The following MKRN1 variants were observed in gnomAD, a reference collection of about 807,000 sequenced individuals.
MKRN1 encodes E3 ubiquitin-protein ligase makorin-1.
MKRN1 carries 9 observed loss-of-function variants against 55.5 expected under a neutral mutation model. The ratio of observed to expected loss-of-function variants is 0.16; its 90% CI spans 0.10 to 0.28. The LOEUF is 0.28. Ranked by LOEUF, MKRN1 falls within the 10% of genes least tolerant of loss-of-function variation. The probability of loss-of-function intolerance (pLI) is 1.00; values close to 1 mark genes in which losing one functional copy is unlikely to be tolerated. For synonymous variants in MKRN1, 253 were observed against 235.9 expected (o/e 1.07, Z -0.66); for missense variants, 488 against 626.7 (o/e 0.78, Z 2.36).
intron 2 of MKRN1, among the ~76,000 whole-genome samples, chr7:140,462,146 G>GCCT (rs1794638908): frequency 1.3e-5 from 2 of 152,118 alleles, no homozygotes; most frequent in Non-Finnish European, 2.9e-5. Flanking sequence ...GTCTGCCTTA[G>GCCT]CCTCCTGAGT....
chr7:140,463,999 T>C (rs968439154), intron 2 of MKRN1, among the ~76,000 whole-genome samples: 1 of 152,058 alleles, frequency 6.6e-6, no homozygotes, highest in South Asian at 2.1e-4. Context: ...AGTGGTGCAA[T>C]CTCAGCTCAC....
chr7:140,466,759 G>T (rs968952924), intron 2 of MKRN1, among the ~76,000 whole-genome samples: 1 of 148,810 alleles, frequency 6.7e-6, no homozygotes, highest in Non-Finnish European at 1.5e-5. Context: ...AGCCGAGATT[G>T]CGCCACTGCA....
intron 4 of MKRN1, 151 bp from the exon 5 acceptor site, chr7:140,457,017 T>A (rs1585463939): frequency 1.3e-6 from 1 of 751,574 alleles, no homozygotes; most frequent in Non-Finnish European, 2.1e-6. Flanking sequence ...TGCTGACAAG[T>A]AAACACAGGT....
At chr7:140,462,083 A>G (rs561260123) in intron 2 of MKRN1, among the ~76,000 whole-genome samples, 1 of 152,214 alleles carries the variant, frequency 6.6e-6, no homozygotes, top group East Asian at 1.9e-4. Flanking sequence ...GCTGGAGTGC[A>G]GTAGCGTGAC....
rs1795228387 is a variant in MKRN1, at chr7:140,479,460, C to T, written c.-116G>A. 1 of 1,063,922 alleles carries T rather than the reference C, an allele frequency of 9.4e-7. No individual in the cohort carries two copies. Among genetic ancestry groups the T allele is most frequent in the Non-Finnish European group, 1.2e-6 (1 of 830,828 alleles). 65.9% of individuals were successfully genotyped at this position (1,063,922 alleles called of 1,614,324 possible). ...AGGGGAGGGGAAGGACACTGAGGCACCCGTTCGGTCCCCGCCTGCTACGCG... is the reference window on the plus strand; with the variant it reads ...AGGGGAGGGGAAGGACACTGAGGCATCCGTTCGGTCCCCGCCTGCTACGCG... On this transcript the variant is annotated 5_prime_UTR_variant, in exon 1 of 8. It adds an upstream start codon to the 5' untranslated region. Transcript: ENST00000255977.
At chr7:140,469,284 C>A (rs1336895920) in intron 2 of MKRN1, among the ~76,000 whole-genome samples, 1 of 151,722 alleles carries the variant, frequency 6.6e-6, no homozygotes, top group East Asian at 2.0e-4. Context: ...TGAGATCCCA[C>A]CACCGCACTC....
At chr7:140,465,019 C>T (rs1204783767) in intron 2 of MKRN1, among the ~76,000 whole-genome samples, 2 of 152,140 alleles carry the variant, frequency 1.3e-5, no homozygotes, top group African/African-American at 4.8e-5. Context: ...GGGCTCAAGC[C>T]ATCTTCCCCG....
At chr7:140,469,967 G>A (rs1479625777) in intron 2 of MKRN1, among the ~76,000 whole-genome samples, 1 of 148,578 alleles carries the variant, frequency 6.7e-6, no homozygotes, top group Non-Finnish European at 1.5e-5. Flanking sequence ...AGAATCACTT[G>A]AACCTGGGAG....
intron 2 of MKRN1, among the ~76,000 whole-genome samples, chr7:140,463,681 G>A (rs10238372): frequency 7.2e-5 from 11 of 151,788 alleles, no homozygotes; most frequent in East Asian, 2.0e-4. Flanking sequence ...GTCAGGAGAT[G>A]GAGACCATCC....
chr7:140,473,999 A>C (rs1181156204), intron 1 of MKRN1, among the ~76,000 whole-genome samples: 1 of 127,124 alleles, frequency 7.9e-6, no homozygotes, highest in Non-Finnish European at 1.6e-5. Flanking sequence ...TCTCAAAAAA[A>C]AAAAAAAAAG....
chr7:140,479,185 CGCCGCCGCTGCCGTCGCT>C lies in MKRN1; in HGVS notation c.142_159del (p.Ser48_Gly53del). 27 of 1,459,304 alleles carry C rather than the reference CGCCGCCGCTGCCGTCGCT, an allele frequency of 1.9e-5. No individual in the cohort carries two copies. The highest frequency in any genetic ancestry group is 2.3e-5 in the Non-Finnish European group (26 of 1,107,574). The allele number at this position is 1,459,304 out of a possible 1,614,324, so 90.4% of individuals were successfully genotyped here. On this transcript the variant is annotated inframe_deletion, in exon 1 of 8. Coordinates refer to ENST00000255977, the MANE Select transcript of MKRN1 (RefSeq NM_013446.4). The stretch of plus-strand genomic sequence containing the variant: ...CTGCAGGTGACCTGTTTAGTCCAGC[CGCCGCCGCTGCCGTCGCT>C]GCCGCCGCCCCCTCCGCCCGCCCCC...
rs535295477 is a variant in MKRN1, at chr7:140,470,062, A to T, written c.314+1821T>A. On this transcript the variant is annotated intron_variant, in intron 2 of 7. Coordinates refer to ENST00000255977, the MANE Select transcript of MKRN1 (RefSeq NM_013446.4). ...GCTCTGTCTCAAAAAAAAAAAAAAA[A>T]AAAAAAAAATTAGCCAGGTGTGGTG... Among the ~76,000 whole-genome samples the T allele has an allele frequency of 6.0e-3, 899 of 150,890 alleles. 11 individuals carry two copies. The highest frequency in any genetic ancestry group is 0.021 in the African/African-American group (843 of 41,076).
At chr7:140,455,034 T>C in intron 7 of MKRN1, 61 bp downstream of exon 7, 1 of 1,584,034 alleles carries the variant, frequency 6.3e-7, no homozygotes, top group Admixed American at 1.7e-5. Flanking sequence ...TACCCCAATA[T>C]GTGCAGGACT....
At chr7:140,460,782 G>C (rs1014747498) in intron 2 of MKRN1, among the ~76,000 whole-genome samples, 2 of 152,154 alleles carry the variant, frequency 1.3e-5, no homozygotes, top group African/African-American at 4.8e-5. Context: ...AAAGTTTAAA[G>C]CATCAAATAC....
intron 1 of MKRN1, among the ~76,000 whole-genome samples, chr7:140,474,102 C>G (rs1247607478): frequency 6.6e-6 from 1 of 151,430 alleles, no homozygotes; most frequent in Non-Finnish European, 1.5e-5. Flanking sequence ...TGGCTCACAC[C>G]TACAATCCCA....
chr7:140,456,581 A>G (rs1233706392), intron 5 of MKRN1, 71 bp downstream of exon 5: 1 of 1,574,980 alleles, frequency 6.3e-7, no homozygotes, highest in African/African-American at 1.4e-5. Context: ...CATCTGGTTG[A>G]AAGTTGGCAC....
At chr7:140,470,675 G>A (rs954408334) in intron 2 of MKRN1, among the ~76,000 whole-genome samples, 1 of 151,916 alleles carries the variant, frequency 6.6e-6, no homozygotes, top group Non-Finnish European at 1.5e-5. Flanking sequence ...CAGCACTCTG[G>A]GAGGCCGAGG....
At chr7:140,467,971 C>T (rs1348152894) in intron 2 of MKRN1, among the ~76,000 whole-genome samples, 4 of 140,874 alleles carry the variant, frequency 2.8e-5, no homozygotes, top group Admixed American at 1.4e-4. Context: ...CATTGCACTC[C>T]AGCCTGGGCA....
In MKRN1 at chr7:140,456,747, G is replaced by A. The variant is rs770425288; in HGVS notation, c.891C>T (p.Arg297=). 49 of 1,613,936 alleles carry A rather than the reference G, an allele frequency of 3.0e-5. No homozygotes were observed. Among genetic ancestry groups the A allele is most frequent in the Admixed American group, 2.2e-4 (13 of 59,976 alleles). ...TGCAGTTGGAGAGGATCCCGAAGCG[G>A]CGCTCACTGGGGTTGGCTTTCTCAT... ...VVYEKANPSE[R]RFGILSNCNH... The change falls in exon 5 of 8, where the codon CGC becomes CGT. Residue 297 remains arginine, a synonymous_variant. Coordinates refer to ENST00000255977, the MANE Select transcript of MKRN1 (RefSeq NM_013446.4).
Sources: gnomAD v4.1 joint callset for allele counts (sites outside exome capture counted in the v4.1 genomes callset) on GRCh38, gnomAD v4.1.1 for gene constraint, MANE v1.5 for transcripts, NCBI Gene and HGNC (gene_info 2026-07-23, HGNC 2026-07-21) for gene names.